The following C9orf72 variants were observed in gnomAD, a reference collection of about 807,000 sequenced individuals.
The protein encoded by C9orf72 is guanine nucleotide exchange factor C9orf72.
Under a neutral mutation model 51.6 loss-of-function variants are expected in C9orf72, and 44 were observed. That is an observed-to-expected ratio of 0.85 (90% CI 0.67 to 1.10). The LOEUF (loss-of-function observed/expected upper bound fraction) is 1.10. Among genes scored for constraint, C9orf72 ranks in the 50% least tolerant of loss-of-function variants. The probability of loss-of-function intolerance (pLI) is 0.00; values close to 1 mark genes in which losing one functional copy is unlikely to be tolerated. For missense variants in C9orf72, 607 were observed against 570.6 expected, an observed-to-expected ratio of 1.06 and a Z score of -0.65; for synonymous variants, 213 against 194.2, an observed-to-expected ratio of 1.10 and a Z score of -0.81.
intron 8 of C9orf72, among the ~76,000 whole-genome samples, chr9:27,553,935 T>C (rs1287835422): frequency 6.6e-6 from 1 of 151,958 alleles, no homozygotes; most frequent in African/African-American, 2.4e-5. Context: ...AAAAAGCATA[T>C]GAAAAAATGC....
At chr9:27,552,970 A>G (rs1820938788) in intron 8 of C9orf72, among the ~76,000 whole-genome samples, 1 of 152,144 alleles carries the variant, frequency 6.6e-6, no homozygotes, top group Non-Finnish European at 1.5e-5. Context: ...TATCAGAATG[A>G]TGCTGGCCTC....
chr9:27,566,551 C>A, intron 2 of C9orf72, 126 bp downstream of exon 2: 1 of 672,892 alleles, frequency 1.5e-6, no homozygotes, highest in South Asian at 2.2e-5. Flanking sequence ...AGGGTAAATG[C>A]AAAATAAATA....
At chr9:27,563,616 T>C (rs184566496) in intron 3 of C9orf72, among the ~76,000 whole-genome samples, 27 of 152,268 alleles carry the variant, frequency 1.8e-4, no homozygotes, top group Admixed American at 6.5e-4. Flanking sequence ...CCCAGGGCCA[T>C]TTTTGGAGTA....
intron 1 of C9orf72, among the ~76,000 whole-genome samples, chr9:27,569,009 C>T (rs1306531211): frequency 1.3e-5 from 2 of 151,630 alleles, no homozygotes; most frequent in African/African-American, 4.8e-5. Flanking sequence ...GGGAGTGATA[C>T]TGATGATCCT....
chr9:27,550,532 C>T (rs1820885178), intron 9 of C9orf72, 118 bp downstream of exon 9: 1 of 571,314 alleles, frequency 1.8e-6, no homozygotes. Context: ...AATTGCTGAG[C>T]AGAACTCTGG....
chr9:27,561,309 G>C, intron 5 of C9orf72: 1 of 1,201,342 alleles, frequency 8.3e-7, no homozygotes, highest in Non-Finnish European at 1.0e-6. Flanking sequence ...GCTTTAATGA[G>C]AAGTAAAACA....
chr9:27,557,051 C>T (rs1709939506), intron 7 of C9orf72, among the ~76,000 whole-genome samples: 1 of 152,046 alleles, frequency 6.6e-6, no homozygotes, highest in South Asian at 2.1e-4. Flanking sequence ...TATTATTTGG[C>T]ATCTATAGAT....
At chr9:27,562,527 G>A (rs747548017) in intron 3 of C9orf72, 51 bp from the exon 4 acceptor site, 5 of 872,036 alleles carry the variant, frequency 5.7e-6, no homozygotes, top group South Asian at 3.7e-5. Flanking sequence ...TATGAGAGAA[G>A]CTGGGCAATA....
intron 8 of C9orf72, among the ~76,000 whole-genome samples, chr9:27,553,140 C>T (rs1166837655): frequency 1.3e-5 from 2 of 152,114 alleles, no homozygotes; most frequent in Non-Finnish European, 2.9e-5. Context: ...AATGGCCATA[C>T]TGCCCAAAGC....
At chr9:27,559,941 G>C (rs1184106832) in intron 6 of C9orf72, 1 of 171,558 alleles carries the variant, frequency 5.8e-6, no homozygotes, top group South Asian at 1.8e-4. Context: ...TTGGGAAATA[G>C]AAGAGTAATT....
intron 7 of C9orf72, 43 bp from the exon 8 acceptor site, chr9:27,556,839 G>T (rs777460147): frequency 1.6e-6 from 2 of 1,233,180 alleles, no homozygotes; most frequent in African/African-American, 1.5e-5. Context: ...CATGCCAAAC[G>T]ATATGAATAA....
intron 1 of C9orf72, among the ~76,000 whole-genome samples, chr9:27,572,019 T>A (rs1473778228): frequency 6.6e-6 from 1 of 152,246 alleles, no homozygotes; most frequent in African/African-American, 2.4e-5. Flanking sequence ...TCCTGGGAAC[T>A]ATCTAATTAA....
At chr9:27,563,885 A>C (rs1458688842) in intron 3 of C9orf72, among the ~76,000 whole-genome samples, 1 of 152,168 alleles carries the variant, frequency 6.6e-6, no homozygotes, top group African/African-American at 2.4e-5. Context: ...GATCCGTGTT[A>C]AATTTCCTTC....
At chr9:27,552,835 T>C (rs1820936234) in intron 8 of C9orf72, among the ~76,000 whole-genome samples, 1 of 152,208 alleles carries the variant, frequency 6.6e-6, no homozygotes, top group Non-Finnish European at 1.5e-5. Context: ...TCAAAGTAGA[T>C]CAGCTTTTTG....
intron 7 of C9orf72, among the ~76,000 whole-genome samples, chr9:27,557,058 A>G (rs1819218963): frequency 6.6e-6 from 1 of 152,196 alleles, no homozygotes; most frequent in Admixed American, 6.5e-5. Context: ...TGGCATCTAT[A>G]GATGAAGTTG....
chr9:27,566,020 G>A (rs948750480), intron 2 of C9orf72, among the ~76,000 whole-genome samples: 5 of 152,032 alleles, frequency 3.3e-5, no homozygotes, highest in Non-Finnish European at 7.4e-5. Context: ...CCTTACTATT[G>A]GGCAAAAGCC....
chr9:27,559,157 T>C (rs1469817380), intron 6 of C9orf72: 2 of 152,062 alleles, frequency 1.3e-5, no homozygotes, highest in Non-Finnish European at 2.9e-5. Context: ...ACAGTTATTA[T>C]GTTAAAGGAG....
intron 9 of C9orf72, among the ~76,000 whole-genome samples, chr9:27,549,684 G>T (rs1820865967): frequency 6.7e-6 from 1 of 149,118 alleles, no homozygotes; most frequent in African/African-American, 2.5e-5. Flanking sequence ...TTTTTTAAAA[G>T]AATGAAACAA....
In C9orf72 at chr9:27,561,643, CA is replaced by C; in HGVS notation, c.606del (p.Asp203IlefsTer34). ...ATATCATCATCATTGAGTACTGTATCAGCTATCTAAAATGCATCAAAAAATA... is the reference window on the plus strand; with the variant it reads ...ATATCATCATCATTGAGTACTGTATCGCTATCTAAAATGCATCAAAAAATA... ...SHSVPEEIDI[A>X]DTVLNDDDIG... On this transcript the variant is annotated frameshift_variant, in exon 5 of 11. Coordinates refer to ENST00000380003, the MANE Select transcript of C9orf72 (RefSeq NM_018325.5). LOFTEE classifies it high-confidence loss of function. 6.3e-7 allele frequency: 1 copy of C among 1,595,200 alleles called. No individual in the cohort carries two copies. Among genetic ancestry groups the C allele is most frequent in the Non-Finnish European group, 8.6e-7 (1 of 1,166,292 alleles).
Sources: allele counts gnomAD v4.1 joint callset (sites outside exome capture counted in the v4.1 genomes callset), GRCh38; gene constraint gnomAD v4.1.1; transcripts MANE v1.5; gene names NCBI Gene and HGNC (gene_info 2026-07-23, HGNC 2026-07-21).